USP46: variants seen among roughly 807,000 people sequenced by gnomAD.
The protein encoded by USP46 is ubiquitin carboxyl-terminal hydrolase 46.
USP46 carries 12 observed loss-of-function variants against 44.4 expected under a neutral mutation model. The ratio of observed to expected loss-of-function variants is 0.27; its 90% CI spans 0.17 to 0.44. The LOEUF is 0.44. Among genes scored for constraint, USP46 ranks in the 20% least tolerant of loss-of-function variants. The pLI is 1.00. For synonymous variants in USP46, 155 were observed against 161.5 expected, an observed-to-expected ratio of 0.96 and a Z score of 0.31; for missense variants, 248 against 444.8, an observed-to-expected ratio of 0.56 and a Z score of 3.98.
intron 1 of USP46, among the ~76,000 whole-genome samples, chr4:52,648,994 C>T (rs1230381646): frequency 6.6e-6 from 1 of 152,222 alleles, no homozygotes; most frequent in Non-Finnish European, 1.5e-5. Context: ...TTAGAAGAGT[C>T]CTGTGGGCCT....
intron 2 of USP46, 21 bp from the exon 3 acceptor site, chr4:52,628,184 T>TG: frequency 6.2e-7 from 1 of 1,609,510 alleles, no homozygotes; most frequent in Non-Finnish European, 8.5e-7. Context: ...ACAAGAGGGA[T>TG]GGCTCAAGTC....
chr4:52,639,942 C>T (rs918628040), intron 1 of USP46, among the ~76,000 whole-genome samples: 3 of 134,422 alleles, frequency 2.2e-5, no homozygotes. Flanking sequence ...TGGGCTCAAA[C>T]AATCCTTTCC....
chr4:52,601,053 A>G (rs985290408), intron 7 of USP46, among the ~76,000 whole-genome samples: 6 of 152,164 alleles, frequency 3.9e-5, no homozygotes, highest in Non-Finnish European at 7.3e-5. Context: ...TCTGCGTGGC[A>G]ATGGTAGTCT....
Position 52,591,172 on chromosome 4 carries a change from C to G in USP46, c.*6468G>C, listed in dbSNP as rs1032995305. ...AAGGCTCATTCTTAAAGTTTTCTCACGTTTATTTTCCATTTTCTTAGCACA... is the reference window on the plus strand; with the variant it reads ...AAGGCTCATTCTTAAAGTTTTCTCAGGTTTATTTTCCATTTTCTTAGCACA... On this transcript the variant is annotated 3_prime_UTR_variant, in exon 9 of 9. Coordinates refer to ENST00000441222, the MANE Select transcript of USP46 (RefSeq NM_022832.4). 6.6e-6 allele frequency: 1 copy of G among 152,278 alleles called. No homozygotes were observed. The highest frequency in any genetic ancestry group is 6.5e-5 in the Admixed American group (1 of 15,296). 9.4% of individuals were successfully genotyped at this position (152,278 alleles called of 1,614,324 possible).
In USP46 at chr4:52,627,812, T is replaced by C; in HGVS notation, c.331+138A>G. 5.0e-6 allele frequency: 5 copies of C among 999,576 alleles called. No homozygotes were observed. In the South Asian group the frequency reaches 7.5e-5, roughly 15 times the overall value. 61.9% of individuals were successfully genotyped at this position (999,576 alleles called of 1,614,324 possible). On this transcript the variant is annotated intron_variant, in intron 3 of 8. Transcript: ENST00000441222. ...TGGGCAGAGAAGAAATGTTGTTTCT[T>C]AAAAAATGACACCGAGTAGTTAACC...
chr4:52,643,221 A>G lies in USP46; in HGVS notation c.37-12077T>C, dbSNP rs562380221. ...ATTTGGTTTCAATGTCACTTCTTCA[A>G]AGCTACCTTCCCTGACCCTTCCCAC... On this transcript the variant is annotated intron_variant, in intron 1 of 8. Transcript: ENST00000441222. 1.1e-4 allele frequency among the ~76,000 whole-genome samples: 17 copies of G among 152,264 alleles called. No individual in the cohort carries two copies. The East Asian group carries it at 2.9e-3, about 26-fold the overall frequency.
At chr4:52,620,634 G>A (rs1717341695) in intron 4 of USP46, among the ~76,000 whole-genome samples, 1 of 152,160 alleles carries the variant, frequency 6.6e-6, no homozygotes, top group African/African-American at 2.4e-5. Flanking sequence ...GAATAGCAGG[G>A]ACAGATGATG....
At chr4:52,656,405 G>T in intron 1 of USP46, 1 of 1,461,398 alleles carries the variant, frequency 6.8e-7, no homozygotes. Context: ...TTCTCCTCTG[G>T]GAAGGAAGAC....
In USP46 at chr4:52,595,425, C is replaced by T. The variant is rs1445126615; in HGVS notation, c.*2215G>A. The T allele has an allele frequency of 2.0e-5, 3 of 152,594 alleles. No homozygotes were observed. Among genetic ancestry groups the T allele is most frequent in the Non-Finnish European group, 4.4e-5 (3 of 68,032 alleles). 9.5% of individuals were successfully genotyped at this position (152,594 alleles called of 1,614,324 possible). A position where few individuals can be genotyped will look rare whatever the true frequency, so the allele number is the denominator to read the frequency against. ...AAGTGTGTTTTGGTCTTTTTCCAATCTTCTTTTCCTGCACCATACAACTGT... is the reference window on the plus strand; with the variant it reads ...AAGTGTGTTTTGGTCTTTTTCCAATTTTCTTTTCCTGCACCATACAACTGT... On this transcript the variant is annotated 3_prime_UTR_variant, in exon 9 of 9. Transcript: ENST00000441222.
intron 4 of USP46, among the ~76,000 whole-genome samples, chr4:52,622,805 T>G (rs1003944829): frequency 6.6e-6 from 1 of 151,958 alleles, no homozygotes; most frequent in Non-Finnish European, 1.5e-5. Flanking sequence ...CAGGGGCAGG[T>G]GGTGTGCATT....
intron 1 of USP46, among the ~76,000 whole-genome samples, chr4:52,638,985 T>C (rs944723805): frequency 6.6e-6 from 1 of 152,238 alleles, no homozygotes; most frequent in African/African-American, 2.4e-5. Context: ...GTCACTGATA[T>C]TGACATTTGG....
At chr4:52,629,825 T>C (rs12509591) in intron 2 of USP46, 50,036 of 431,280 alleles carry the variant, frequency 0.12, 2,986 homozygotes, top group African/African-American at 0.16. Context: ...ACTTTACAGA[T>C]GGGGAAATGG....
chr4:52,637,273 C>T (rs1718153789), intron 1 of USP46, among the ~76,000 whole-genome samples: 1 of 152,104 alleles, frequency 6.6e-6, no homozygotes, highest in Admixed American at 6.6e-5. Flanking sequence ...TGTCTGGGGC[C>T]CTCCACCCTC....
At chr4:52,639,089 T>A (rs1322471738) in intron 1 of USP46, among the ~76,000 whole-genome samples, 3 of 152,214 alleles carry the variant, frequency 2.0e-5, no homozygotes, top group Admixed American at 1.3e-4. Context: ...ATGTTAAATG[T>A]AAATGTTTGC....
At chr4:52,614,442 A>C (rs1177836874) in intron 4 of USP46, among the ~76,000 whole-genome samples, 1 of 152,240 alleles carries the variant, frequency 6.6e-6, no homozygotes, top group East Asian at 1.9e-4. Context: ...AAAGGACAAT[A>C]GGATGATCCA....
intron 1 of USP46, among the ~76,000 whole-genome samples, chr4:52,652,884 G>A (rs770056181): frequency 2.0e-5 from 3 of 152,094 alleles, no homozygotes; most frequent in African/African-American, 7.2e-5. Flanking sequence ...CCACATTTCT[G>A]TATGTCTAAA....
chr4:52,614,769 A>C lies in USP46; in HGVS notation c.562-4152T>G, dbSNP rs1044339473. ...TCCTCTTAATTTTTGTATAATATTC[A>C]CACCTCTTTAAAGGAAAAGGCATAA... On this transcript the variant is annotated intron_variant, in intron 4 of 8. Transcript: ENST00000441222. Among the ~76,000 whole-genome samples the C allele has an allele frequency of 7.9e-5, 12 of 152,348 alleles. No individual in the cohort carries two copies. The South Asian group carries it at 8.3e-4, about 11-fold the overall frequency.
intron 1 of USP46, 98 bp from the exon 2 acceptor site, chr4:52,631,242 TG>T (rs1383401144): frequency 1.0e-5 from 9 of 873,302 alleles, no homozygotes; most frequent in African/African-American, 1.7e-5. Context: ...GCATCTTCCC[TG>T]GTCAACACGG....
At chr4:52,615,750 G>T (rs1173203070) in intron 4 of USP46, among the ~76,000 whole-genome samples, 6 of 152,120 alleles carry the variant, frequency 3.9e-5, no homozygotes, top group African/African-American at 9.7e-5. Context: ...AGTCATGAGG[G>T]ATCTTACTGG....
Sources: gnomAD v4.1 joint callset for allele counts (sites outside exome capture counted in the v4.1 genomes callset) on GRCh38, gnomAD v4.1.1 for gene constraint, MANE v1.5 for transcripts, NCBI Gene and HGNC (gene_info 2026-07-23, HGNC 2026-07-21) for gene names.